The following SMAD2 variants were observed in gnomAD, a reference collection of about 807,000 sequenced individuals.
The protein encoded by SMAD2 is SMAD family member 2, also known as MAD homolog 2.
A neutral mutation model predicts 64.4 loss-of-function variants in SMAD2; 8 were observed. The observed-to-expected ratio is 0.12, with a 90% confidence interval of 0.07 to 0.22. The LOEUF (loss-of-function observed/expected upper bound fraction) is 0.22. Ranked by LOEUF, SMAD2 falls within the 10% of genes least tolerant of loss-of-function variation. The pLI, the probability that SMAD2 is intolerant of heterozygous loss-of-function variation, is 1.00. For synonymous variants in SMAD2, 203 were observed against 195.8 expected (o/e 1.04, Z -0.31); for missense variants, 289 against 561.2 (o/e 0.51, Z 4.90).
At chr18:47,924,779 T>C (rs537411084) in intron 1 of SMAD2, among the ~76,000 whole-genome samples, 2 of 152,300 alleles carry the variant, frequency 1.3e-5, no homozygotes, top group South Asian at 2.1e-4. Flanking sequence ...CCTCACATTC[T>C]GAAATGAAAG....
Position 47,841,566 on chromosome 18 carries a change from T to C in SMAD2, c.*261A>G. The stretch of plus-strand genomic sequence containing the variant: ...ATTAATAAACCTTTGGGACACTCAG[T>C]TTTATGCCCAATAAGACATCATTAA... On this transcript the variant is annotated 3_prime_UTR_variant, in exon 11 of 11. Coordinates refer to ENST00000262160, the MANE Select transcript of SMAD2 (RefSeq NM_005901.6). 1 of 512,522 alleles carries C rather than the reference T, an allele frequency of 2.0e-6. No individual in the cohort carries two copies. The highest frequency in any genetic ancestry group is 3.4e-5 in the East Asian group (1 of 29,708). The allele number at this position is 512,522 out of a possible 1,614,324, so 31.7% of individuals were successfully genotyped here.
In SMAD2 at chr18:47,865,113, T is replaced by TA; in HGVS notation, c.675dup (p.Ile226TyrfsTer3). On this transcript the variant is annotated frameshift_variant, in exon 6 of 11. Transcript: ENST00000262160. LOFTEE classifies it high-confidence loss of function. The stretch of plus-strand genomic sequence containing the variant: ...TCACTTGTTTCTCCATCTTCACTGA[T>TA]ATATCCAGGAGGTGGCGTTTCTACA... The TA allele has an allele frequency of 6.2e-7, 1 of 1,608,630 alleles. No individual in the cohort carries two copies. Among genetic ancestry groups the TA allele is most frequent in the Non-Finnish European group, 8.5e-7 (1 of 1,175,306 alleles).
intron 2 of SMAD2, among the ~76,000 whole-genome samples, chr18:47,879,495 C>CGTGTGTGTGTGTGTGTGT (rs58440360): frequency 0.023 from 3,191 of 141,362 alleles, 60 homozygotes; most frequent in South Asian, 0.041. Flanking sequence ...ATGTATATGA[C>CGTGTGTGTGTGTGTGTGT]GTGTGTGTGT....
chr18:47,861,405 G>A (rs2031179419), intron 6 of SMAD2, among the ~76,000 whole-genome samples: 2 of 151,976 alleles, frequency 1.3e-5, no homozygotes, highest in African/African-American at 4.8e-5. Flanking sequence ...AGAATCTACA[G>A]AATTCTAGAA....
chr18:47,892,146 T>C (rs1219336300), intron 2 of SMAD2, among the ~76,000 whole-genome samples: 2 of 152,224 alleles, frequency 1.3e-5, no homozygotes, highest in East Asian at 1.9e-4. Flanking sequence ...CTTATACTAA[T>C]AGATTTCCTG....
At chr18:47,862,033 G>C (rs1379188187) in intron 6 of SMAD2, among the ~76,000 whole-genome samples, 1 of 152,180 alleles carries the variant, frequency 6.6e-6, no homozygotes, top group Non-Finnish European at 1.5e-5. Flanking sequence ...TTGATTATAT[G>C]CATTTAGTTA....
chr18:47,854,050 TA>T (rs1276064980), intron 6 of SMAD2, among the ~76,000 whole-genome samples: 1 of 150,800 alleles, frequency 6.6e-6, no homozygotes, highest in African/African-American at 2.4e-5. Context: ...AGACAAATTT[TA>T]AAAACTTAAA....
chr18:47,861,422 A>C (rs2031181649), intron 6 of SMAD2, among the ~76,000 whole-genome samples: 1 of 152,216 alleles, frequency 6.6e-6, no homozygotes, highest in South Asian at 2.1e-4. Context: ...AGAACCAAAA[A>C]GTCAATTTAA....
chr18:47,846,701 T>C (rs1460709406), intron 8 of SMAD2, among the ~76,000 whole-genome samples: 1 of 152,154 alleles, frequency 6.6e-6, no homozygotes, highest in African/African-American at 2.4e-5. Flanking sequence ...CATGTGGGTT[T>C]AGAAGAGGAC....
chr18:47,863,844 GAGGAAC>G (rs922897691), intron 6 of SMAD2, among the ~76,000 whole-genome samples: 31 of 152,224 alleles, frequency 2.0e-4, no homozygotes, highest in African/African-American at 7.5e-4. Flanking sequence ...TTAACTTTTT[GAGGAAC>G]AGGAAACTTT....
rs755950187 is a variant in SMAD2, at chr18:47,848,605, G to A, written c.867C>T (p.Thr289=). Residue 289 remains threonine, a synonymous_variant, in exon 8 of 11, where the codon ACC becomes ACT. Transcript: ENST00000262160. ...TGAGTGAGGGCTGTGATGCATGGAA[G>A]GTTTCTCCAACCCTCTGATTTAATT... The part of the protein sequence containing the change: ...YYELNQRVGE[T]FHASQPSLTV... 1.2e-6 allele frequency: 2 copies of A among 1,613,788 alleles called. No homozygotes were observed. Among genetic ancestry groups the A allele is most frequent in the Non-Finnish European group, 1.7e-6 (2 of 1,179,826 alleles).
chr18:47,902,135 T>A (rs1417361897), intron 1 of SMAD2, among the ~76,000 whole-genome samples: 1 of 152,192 alleles, frequency 6.6e-6, no homozygotes, highest in East Asian at 1.9e-4. Context: ...GCCCCTCATA[T>A]TTCCAATCTG....
Position 47,830,576 on chromosome 18 carries a change from C to CAAAAAAAAAAAAAAAAAAAAAAAAAAA in SMAD2, c.*11250_*11251insTTTTTTTTTTTTTTTTTTTTTTTTTTT, listed in dbSNP as rs5824708. ...GGGCAACAGAGCAAGACTCTGTCTC[C>CAAAAAAAAAAAAAAAAAAAAAAAAAAA]AAAAAAAAAAAAAAAAAATTCGTTT... On this transcript the variant is annotated 3_prime_UTR_variant, in exon 11 of 11. Coordinates refer to ENST00000262160, the MANE Select transcript of SMAD2 (RefSeq NM_005901.6). The CAAAAAAAAAAAAAAAAAAAAAAAAAAA allele has an allele frequency of 8.0e-6, 1 of 125,446 alleles. No homozygotes were observed. Among genetic ancestry groups the CAAAAAAAAAAAAAAAAAAAAAAAAAAA allele is most frequent in the African/African-American group, 3.2e-5 (1 of 31,100 alleles). The allele number at this position is 125,446 out of a possible 1,614,324, so 7.8% of individuals were successfully genotyped here.
chr18:47,879,754 T>C (rs1460399488), intron 2 of SMAD2, among the ~76,000 whole-genome samples: 15 of 152,194 alleles, frequency 9.9e-5, no homozygotes, highest in Admixed American at 8.5e-4. Context: ...TTTCAATAAA[T>C]TGCCAGATCA....
intron 2 of SMAD2, among the ~76,000 whole-genome samples, chr18:47,891,351 A>C (rs2033181733): frequency 6.6e-6 from 1 of 152,150 alleles, no homozygotes; most frequent in Non-Finnish European, 1.5e-5. Flanking sequence ...GGCAGCATTA[A>C]AAAGAAACAT....
intron 8 of SMAD2, 31 bp from the exon 9 acceptor site, chr18:47,845,831 G>A (rs759998996): frequency 2.4e-5 from 39 of 1,602,220 alleles, no homozygotes; most frequent in Non-Finnish European, 3.2e-5. Flanking sequence ...GATTAGTTTT[G>A]TAACATTTAC....
rs1568013370 is a variant in SMAD2, at chr18:47,817,902, T to C, written c.*23925A>G. Reference sequence around the variant, plus strand: ...CAAACACCTGACTTATCTGTCAGGATTTACAGAATTTTCTTTGCTCTTAAG... The same window carrying C: ...CAAACACCTGACTTATCTGTCAGGACTTACAGAATTTTCTTTGCTCTTAAG... On this transcript the variant is annotated 3_prime_UTR_variant, in exon 11 of 11. Transcript: ENST00000262160. The C allele has an allele frequency of 6.6e-6, 1 of 152,242 alleles. No homozygotes were observed. The highest frequency in any genetic ancestry group is 1.5e-5 in the Non-Finnish European group (1 of 68,036). The allele number at this position is 152,242 out of a possible 1,614,324, so 9.4% of individuals were successfully genotyped here.
chr18:47,906,887 G>C lies in SMAD2; in HGVS notation c.-53-10078C>G, dbSNP rs141090112. 7.0e-4 allele frequency among the ~76,000 whole-genome samples: 107 copies of C among 151,862 alleles called. 1 individual carries two copies. Among genetic ancestry groups the C allele is most frequent in the African/African-American group, 2.4e-3 (101 of 41,380 alleles). On this transcript the variant is annotated intron_variant, in intron 1 of 10. Transcript: ENST00000262160. ...TCAAATCTCCCTCTATGGCCTTCTA[G>C]TAAGAGCTCTTGGCATTACATTTAA...
At chr18:47,877,904 A>C (rs990366925) in intron 2 of SMAD2, among the ~76,000 whole-genome samples, 4 of 152,250 alleles carry the variant, frequency 2.6e-5, no homozygotes, top group Non-Finnish European at 5.9e-5. Context: ...ATAAGTGCTC[A>C]CATTCCTTCA....
Sources: gnomAD v4.1 joint callset for allele counts (sites outside exome capture counted in the v4.1 genomes callset) on GRCh38, gnomAD v4.1.1 for gene constraint, MANE v1.5 for transcripts, NCBI Gene and HGNC (gene_info 2026-07-23, HGNC 2026-07-21) for gene names.